The following ROR1 variants were observed in gnomAD, a reference collection of about 807,000 sequenced individuals.
ROR1 encodes inactive tyrosine-protein kinase transmembrane receptor ROR1.
A neutral mutation model predicts 78.8 loss-of-function variants in ROR1; 19 were observed. That is an observed-to-expected ratio of 0.24 (90% CI 0.17 to 0.35). The LOEUF is 0.35. Ranked by LOEUF, ROR1 falls within the 10% of genes least tolerant of loss-of-function variation. ROR1 has a pLI of 1.00. For synonymous variants in ROR1, 386 were observed against 433.6 expected, an observed-to-expected ratio of 0.89 and a Z score of 1.36; for missense variants, 917 against 1,177.8, an observed-to-expected ratio of 0.78 and a Z score of 3.24.
In ROR1 at chr1:64,178,112, C is replaced by T; in HGVS notation, c.2071C>T (p.Gln691Ter). 6.2e-7 allele frequency: 1 copy of T among 1,614,118 alleles called. No homozygotes were observed. Among genetic ancestry groups the T allele is most frequent in the Non-Finnish European group, 8.5e-7 (1 of 1,180,018 alleles). The change falls in exon 9 of 9, where the codon CAG becomes TAG. Residue 691 changes from glutamine (Q) to a stop codon, truncating the protein, a stop_gained. Coordinates refer to ENST00000371079, the MANE Select transcript of ROR1 (RefSeq NM_005012.4). LOFTEE classifies it high-confidence loss of function. The surrounding 1 kb of genome is among the most constrained non-coding windows in gnomAD (Gnocchi z 4.3). Reference protein sequence around the residue: ...VLWEIFSFGLQPYYGFSNQEV... With the variant: ...VLWEIFSFGL ...GTGGGAGATTTTCAGTTTTGGACTCCAGCCATATTATGGATTCAGTAACCA... is the reference window on the plus strand; with the variant it reads ...GTGGGAGATTTTCAGTTTTGGACTCTAGCCATATTATGGATTCAGTAACCA...
At chr1:63,953,659 C>T (rs899140450) in intron 1 of ROR1, among the ~76,000 whole-genome samples, 3 of 152,126 alleles carry the variant, frequency 2.0e-5, no homozygotes, top group East Asian at 1.9e-4. Flanking sequence ...TAAATGGTGG[C>T]GCCTACTGGG....
chr1:63,886,144 A>T (rs1645355640), intron 1 of ROR1, among the ~76,000 whole-genome samples: 1 of 152,156 alleles, frequency 6.6e-6, no homozygotes, highest in Non-Finnish European at 1.5e-5. Flanking sequence ...ATCTAATGCC[A>T]TCGCTGGCTG....
intron 1 of ROR1, among the ~76,000 whole-genome samples, chr1:63,889,467 G>A (rs1645379530): frequency 6.6e-6 from 1 of 152,136 alleles, no homozygotes; most frequent in Admixed American, 6.6e-5. Context: ...CACTGATCTG[G>A]TGAACTGCAC....
intron 1 of ROR1, among the ~76,000 whole-genome samples, chr1:63,875,025 AC>A (rs1424043652): frequency 6.6e-6 from 1 of 152,156 alleles, no homozygotes; most frequent in Non-Finnish European, 1.5e-5. Flanking sequence ...TTTTGGGGCC[AC>A]CATGCCTTAG....
At chr1:64,084,702 G>C (rs1238716071) in intron 4 of ROR1, among the ~76,000 whole-genome samples, 1 of 152,230 alleles carries the variant, frequency 6.6e-6, no homozygotes, top group East Asian at 1.9e-4. Flanking sequence ...CAGTTGATAT[G>C]TCTATGTCTG....
At chr1:63,937,524 C>G (rs1231282812) in intron 1 of ROR1, among the ~76,000 whole-genome samples, 1 of 151,864 alleles carries the variant, frequency 6.6e-6, no homozygotes, top group Non-Finnish European at 1.5e-5. Flanking sequence ...AATTATATGG[C>G]TGAATCATTT....
At chr1:64,028,652 A>C (rs1046395618) in intron 2 of ROR1, among the ~76,000 whole-genome samples, 3 of 152,214 alleles carry the variant, frequency 2.0e-5, no homozygotes, top group Admixed American at 1.3e-4. Context: ...GGACTTAAAA[A>C]AAATTTTTTA....
At chr1:63,805,971 A>T (rs577251721) in intron 1 of ROR1, among the ~76,000 whole-genome samples, 200 of 152,300 alleles carry the variant, frequency 1.3e-3, no homozygotes, top group Non-Finnish European at 2.2e-3. Flanking sequence ...GCCCAATATG[A>T]TTGCATGACT....
chr1:64,023,404 T>G (rs1354957858), intron 2 of ROR1, among the ~76,000 whole-genome samples: 1 of 152,138 alleles, frequency 6.6e-6, no homozygotes, highest in Non-Finnish European at 1.5e-5. Flanking sequence ...CCAGGGCCAG[T>G]TGAGGCAGGA....
intron 4 of ROR1, among the ~76,000 whole-genome samples, chr1:64,078,455 G>T (rs1299720717): frequency 6.6e-6 from 1 of 152,166 alleles, no homozygotes; most frequent in Non-Finnish European, 1.5e-5. Flanking sequence ...AAATGTGGAA[G>T]ACTGTAAGCA....
At chr1:64,141,447 A>C (rs1649309048) in intron 6 of ROR1, among the ~76,000 whole-genome samples, 1 of 152,100 alleles carries the variant, frequency 6.6e-6, no homozygotes, top group Non-Finnish European at 1.5e-5. Flanking sequence ...GTTTGTGCTA[A>C]ACCATTCACA....
intron 4 of ROR1, among the ~76,000 whole-genome samples, chr1:64,077,542 G>T (rs991143837): frequency 2.0e-5 from 3 of 152,242 alleles, no homozygotes; most frequent in Non-Finnish European, 4.4e-5. Context: ...GGGCATCAAT[G>T]CCGCTTTTGT....
At chr1:63,786,363 C>T (rs1005912390) in intron 1 of ROR1, among the ~76,000 whole-genome samples, 3 of 147,106 alleles carry the variant, frequency 2.0e-5, no homozygotes, top group Non-Finnish European at 4.5e-5. Flanking sequence ...AGCTCCGCCT[C>T]CCGGGTTCAC....
intron 4 of ROR1, among the ~76,000 whole-genome samples, chr1:64,078,860 G>A (rs972027492): frequency 6.6e-6 from 1 of 152,120 alleles, no homozygotes; most frequent in Admixed American, 6.5e-5. Context: ...TAGAGGCCTT[G>A]GTGAAAGGAG....
At chr1:64,095,602 T>A (rs1161430256) in intron 4 of ROR1, among the ~76,000 whole-genome samples, 3 of 152,346 alleles carry the variant, frequency 2.0e-5, no homozygotes, top group South Asian at 2.1e-4. Context: ...GTTACAGAGC[T>A]GTGTTCACTT....
intron 1 of ROR1, among the ~76,000 whole-genome samples, chr1:63,912,801 G>A (rs1256954917): frequency 6.6e-6 from 1 of 152,130 alleles, no homozygotes; most frequent in African/African-American, 2.4e-5. Context: ...TTTTGAGTTG[G>A]ACTGTGGCCA....
At chr1:64,132,187 G>A (rs1369905460) in intron 4 of ROR1, among the ~76,000 whole-genome samples, 1 of 151,986 alleles carries the variant, frequency 6.6e-6, no homozygotes, top group South Asian at 2.1e-4. Flanking sequence ...ATTTCACTTA[G>A]CATGTTTTTG....
intron 1 of ROR1, among the ~76,000 whole-genome samples, chr1:64,006,520 G>A (rs776683384): frequency 2.0e-5 from 3 of 152,176 alleles, no homozygotes; most frequent in Non-Finnish European, 2.9e-5. Flanking sequence ...GCACCTGCAC[G>A]AAATACCCGT....
rs540477439 is a variant in ROR1 at position 64,119,324 on chromosome 1, C to T, written c.483-18045C>T. ...AGTTGTATTTTTTTATCCTTATTCA[C>T]GATTCTCAACAGCTTTTTAAAAGTG... is the stretch of plus-strand genomic sequence containing the variant. On this transcript the variant is annotated intron_variant, in intron 4 of 8. Coordinates refer to ENST00000371079, the MANE Select transcript of ROR1 (RefSeq NM_005012.4). Among the ~76,000 whole-genome samples the T allele has an allele frequency of 7.2e-5, 11 of 152,188 alleles. No individual in the cohort carries two copies. In the South Asian group the frequency reaches 1.5e-3, roughly 20 times the overall value.
Sources: allele counts gnomAD v4.1 joint callset (sites outside exome capture counted in the v4.1 genomes callset), GRCh38; gene constraint gnomAD v4.1.1; non-coding constraint Gnocchi (gnomAD v3.1); transcripts MANE v1.5; gene names NCBI Gene and HGNC (gene_info 2026-07-23, HGNC 2026-07-21).